EIF3F: variants seen among roughly 807,000 people sequenced by gnomAD.
EIF3F encodes eukaryotic translation initiation factor 3 subunit F, also known as deubiquitinating enzyme eIF3f.
Under a neutral mutation model 36.0 loss-of-function variants are expected in EIF3F, and 8 were observed. The observed-to-expected ratio is 0.22, with a 90% CI of 0.13 to 0.40. The LOEUF (loss-of-function observed/expected upper bound fraction) is 0.40, where lower values mean the gene tolerates loss of function less well. Ranked by LOEUF, EIF3F falls within the 10% of genes least tolerant of loss-of-function variation. The pLI, the probability that EIF3F is intolerant of heterozygous loss-of-function variation, is 1.00. For synonymous variants in EIF3F, 184 were observed against 188.5 expected (o/e 0.98, Z 0.19); for missense variants, 430 against 467.6 (o/e 0.92, Z 0.74).
rs1003685953 is a variant in EIF3F at position 8,001,634 on chromosome 11, G to A, written c.*5612G>A. On this transcript the variant is annotated 3_prime_UTR_variant, in exon 8 of 8. Coordinates refer to ENST00000651655, the MANE Select transcript of EIF3F (RefSeq NM_003754.3). ...CAGGAGAGAATGTTGTCTATAATAT[G>A]CTGTTGTTGTGTACGGGAAAATAAA... 2.6e-5 allele frequency: 4 copies of A among 152,086 alleles called. No homozygotes were observed. Among genetic ancestry groups the A allele is most frequent in the Non-Finnish European group, 5.9e-5 (4 of 68,026 alleles). 9.4% of individuals were successfully genotyped at this position (152,086 alleles called of 1,614,324 possible). A position where few individuals can be genotyped will look rare whatever the true frequency, so the allele number is the denominator to read the frequency against.
At chr11:7,995,469 T>C (rs769066754) in intron 7 of EIF3F, 102 bp downstream of exon 7, 32 of 966,722 alleles carry the variant, frequency 3.3e-5, no homozygotes, top group Non-Finnish European at 5.1e-5. Flanking sequence ...TGGAGTAGGA[T>C]AGAGACAGGG....
chr11:7,992,323 C>A, intron 3 of EIF3F, 160 bp downstream of exon 3: 2 of 672,248 alleles, frequency 3.0e-6, no homozygotes, highest in Non-Finnish European at 5.0e-6. Context: ...GTAATCCCAG[C>A]TGGGAGGCTG....
chr11:7,994,219 C>T (rs1231157556), intron 4 of EIF3F, among the ~76,000 whole-genome samples: 2 of 152,146 alleles, frequency 1.3e-5, no homozygotes. Context: ...AAAGGCCCCC[C>T]TTACAGATCA....
chr11:8,000,880 G>A lies in EIF3F; in HGVS notation c.*4858G>A, dbSNP rs188802324. On this transcript the variant is annotated 3_prime_UTR_variant, in exon 8 of 8. Transcript: ENST00000651655. ...TTTTTAATGATTTATGAGTGAGGAA[G>A]AACTTTCTAAGAACTGAGAATCCAG... The A allele has an allele frequency of 2.2e-4, 33 of 152,240 alleles. No individual in the cohort carries two copies. Among genetic ancestry groups the A allele is most frequent in the African/African-American group, 7.7e-4 (32 of 41,546 alleles). The allele number at this position is 152,240 out of a possible 1,614,324, so 9.4% of individuals were successfully genotyped here.
intron 1 of EIF3F, 125 bp from the exon 2 acceptor site, chr11:7,991,656 G>T: frequency 1.1e-6 from 1 of 917,568 alleles, no homozygotes. Context: ...ACTAAACTTG[G>T]AGCTAATGAG....
At position 7,995,416 on chromosome 11, in the gene EIF3F, C is replaced by T. The variant is rs1942149216; in HGVS notation, c.996+49C>T. 2.1e-6 allele frequency: 3 copies of T among 1,396,272 alleles called. No individual in the cohort carries two copies. The East Asian group carries it at 6.8e-5, about 32-fold the overall frequency. 86.5% of individuals were successfully genotyped at this position (1,396,272 alleles called of 1,614,324 possible). ...TCTTGCCTGGTTTCTTCCCCCACCT[C>T]AGCACATACACTCAAATGTGAAAAG... On this transcript the variant is annotated intron_variant, in intron 7 of 7. Coordinates refer to ENST00000651655, the MANE Select transcript of EIF3F (RefSeq NM_003754.3).
rs1391642506 is a variant in EIF3F at position 7,997,154 on chromosome 11, A to G, written c.*1132A>G. 5.9e-5 allele frequency: 9 copies of G among 152,240 alleles called. No individual in the cohort carries two copies. The highest frequency in any genetic ancestry group is 4.6e-4 in the Admixed American group (7 of 15,276). 9.4% of individuals were successfully genotyped at this position (152,240 alleles called of 1,614,324 possible). ...AAGTTATGGGAGTCATAAAGTGTGG[A>G]TAGTAATGATAGATAATTTCTTACA... On this transcript the variant is annotated 3_prime_UTR_variant, in exon 8 of 8. Transcript: ENST00000651655.
rs765520142 is a variant in EIF3F at position 7,993,039 on chromosome 11, G to A, written c.653+15G>A. The A allele has an allele frequency of 2.9e-5, 46 of 1,562,226 alleles. No homozygotes were observed. The highest frequency in any genetic ancestry group is 3.9e-5 in the Non-Finnish European group (45 of 1,154,870). ...GCCTACGTCAGGTGACCACAGTCTT[G>A]GGCTACAAGGGCATAAAACCATGCC... On this transcript the variant is annotated intron_variant, in intron 4 of 7. Transcript: ENST00000651655.
At chr11:7,995,160 T>G in intron 6 of EIF3F, 42 bp downstream of exon 6, 2 of 1,610,244 alleles carry the variant, frequency 1.2e-6, no homozygotes, top group Middle Eastern at 3.3e-4. Context: ...GACATAGTTC[T>G]CTATCCTGGG....
intron 7 of EIF3F, 139 bp from the exon 8 acceptor site, chr11:7,995,806 C>T: frequency 2.7e-6 from 2 of 734,276 alleles, no homozygotes; most frequent in Admixed American, 2.1e-5. Context: ...ACCTTTTTGA[C>T]TTTTATTCAG....
rs141794975 is a variant in EIF3F, at chr11:7,993,711, G to A, written c.653+687G>A. 3.1e-3 allele frequency among the ~76,000 whole-genome samples: 469 copies of A among 152,222 alleles called. 4 individuals are homozygous for A. Among genetic ancestry groups the A allele is most frequent in the East Asian group, 6.8e-3 (35 of 5,182 alleles). On this transcript the variant is annotated intron_variant, in intron 4 of 7. Coordinates refer to ENST00000651655, the MANE Select transcript of EIF3F (RefSeq NM_003754.3). ...GACATAGCCAGTTAACTCTTACACA[G>A]TACACAGTAAGACAAAGATGGTGGA...
chr11:7,989,980 C>T (rs564616851), intron 1 of EIF3F, among the ~76,000 whole-genome samples: 4 of 152,334 alleles, frequency 2.6e-5, no homozygotes, highest in African/African-American at 9.6e-5. Context: ...GAAAGTCTAA[C>T]CTCATTTGAA....
chr11:7,995,163 A>G, intron 6 of EIF3F, 45 bp downstream of exon 6: 1 of 1,609,372 alleles, frequency 6.2e-7, no homozygotes, highest in Non-Finnish European at 8.5e-7. Context: ...ATAGTTCTCT[A>G]TCCTGGGATC....
Position 7,999,754 on chromosome 11 carries a change from T to C in EIF3F, c.*3732T>C, listed in dbSNP as rs1942198908. ...AGTACAGACATTGTGGAAAACAGTTTGTAGAGCTTCCTCAATAAAAACACA... is the reference window on the plus strand; with the variant it reads ...AGTACAGACATTGTGGAAAACAGTTCGTAGAGCTTCCTCAATAAAAACACA... On this transcript the variant is annotated 3_prime_UTR_variant, in exon 8 of 8. Coordinates refer to ENST00000651655, the MANE Select transcript of EIF3F (RefSeq NM_003754.3). 1 of 152,208 alleles carries C rather than the reference T, an allele frequency of 6.6e-6. No individual in the cohort carries two copies. The highest frequency in any genetic ancestry group is 2.1e-4 in the South Asian group (1 of 4,832). The allele number at this position is 152,208 out of a possible 1,614,324, so 9.4% of individuals were successfully genotyped here. A position where few individuals can be genotyped will look rare whatever the true frequency, so the allele number is the denominator to read the frequency against.
rs143020927 is a variant in EIF3F at position 7,987,614 on chromosome 11, G to T, written c.262G>T (p.Gly88Cys). ...TCCTGCTCTTCCAGGGCCCTTCCCC[G>T]GCGGCCGCGTGGTCAGGCTGCACCC... ...PGPALPGPFP[G>C]GRVVRLHPVI... Residue 88 changes from glycine to cysteine, a missense_variant, in exon 1 of 8, where the codon GGC becomes TGC. Transcript: ENST00000651655. 1.3e-6 allele frequency: 2 copies of T among 1,583,988 alleles called. No homozygotes were observed. Among genetic ancestry groups the T allele is most frequent in the African/African-American group, 2.7e-5 (2 of 73,758 alleles).
At chr11:7,995,406 T>G in intron 7 of EIF3F, 39 bp downstream of exon 7, 1 of 1,492,876 alleles carries the variant, frequency 6.7e-7, no homozygotes, top group Non-Finnish European at 9.4e-7. Flanking sequence ...CCTGGTTTCT[T>G]CCCCCACCTC....
chr11:7,992,760 G>A, intron 3 of EIF3F, 127 bp from the exon 4 acceptor site: 2 of 1,182,312 alleles, frequency 1.7e-6, no homozygotes, highest in South Asian at 1.3e-5. Context: ...TATTGCTCTT[G>A]GCAGTTGGTG....
At chr11:7,995,185 T>G (rs932328718) in intron 6 of EIF3F, 67 bp downstream of exon 6, 1 of 1,605,236 alleles carries the variant, frequency 6.2e-7, no homozygotes, top group Middle Eastern at 1.7e-4. Flanking sequence ...CTGAGGCATG[T>G]GCTGATGAAA....
chr11:7,994,518 G>A lies in EIF3F; in HGVS notation c.745+1G>A. ...TACTACGACACTGAACGCATCGGAG[G>A]TGAGTAACCTTTCCATACACTCGCG... On this transcript the variant is annotated splice_donor_variant, in intron 5 of 7. Transcript: ENST00000651655. LOFTEE classifies it high-confidence loss of function. 1 of 1,612,906 alleles carries A rather than the reference G, an allele frequency of 6.2e-7. No homozygotes were observed. The highest frequency in any genetic ancestry group is 8.5e-7 in the Non-Finnish European group (1 of 1,179,414).
Sources: allele counts gnomAD v4.1 joint callset (sites outside exome capture counted in the v4.1 genomes callset), GRCh38; gene constraint gnomAD v4.1.1; transcripts MANE v1.5; gene names NCBI Gene and HGNC (gene_info 2026-07-23, HGNC 2026-07-21).